Variants in NRXN3 observed in about 807,000 individuals in gnomAD.
NRXN3 encodes neurexin III.
NRXN3 carries 32 observed loss-of-function variants against 137.6 expected under a neutral mutation model. That is an observed-to-expected ratio of 0.23 (90% CI 0.18 to 0.31). The LOEUF is 0.31. NRXN3 is among the 10% of genes least tolerant of loss of function. The pLI, the probability that NRXN3 is intolerant of heterozygous loss-of-function variation, is 1.00. For synonymous variants in NRXN3, 798 were observed against 784.5 expected (o/e 1.02, Z -0.29); for missense variants, 1,574 against 2,062.5 (o/e 0.76, Z 4.59).
At chr14:78,806,708 C>T (rs1277166082) in intron 9 of NRXN3, among the ~76,000 whole-genome samples, 1 of 152,134 alleles carries the variant, frequency 6.6e-6, no homozygotes, top group Non-Finnish European at 1.5e-5. Flanking sequence ...GAGAAATATC[C>T]TATAACTCAG....
intron 10 of NRXN3, among the ~76,000 whole-genome samples, chr14:78,832,890 G>C (rs1226131656): frequency 7.9e-5 from 12 of 152,304 alleles, no homozygotes; most frequent in Non-Finnish European, 1.3e-4. Flanking sequence ...TGTTGAAGCT[G>C]TACCAGGCAC....
chr14:79,721,395 A>C (rs566986303), intron 19 of NRXN3, among the ~76,000 whole-genome samples: 60 of 152,206 alleles, frequency 3.9e-4, no homozygotes, highest in South Asian at 3.3e-3. Context: ...GTACAATGTT[A>C]TTTTCATGCA....
chr14:79,377,892 T>C (rs2094351104), intron 15 of NRXN3, among the ~76,000 whole-genome samples: 1 of 152,032 alleles, frequency 6.6e-6, no homozygotes, highest in African/African-American at 2.4e-5. Context: ...AGAAGTGGGG[T>C]GTTGAAAGGA....
chr14:79,247,856 A>C (rs2075403139), intron 15 of NRXN3, among the ~76,000 whole-genome samples: 1 of 151,882 alleles, frequency 6.6e-6, no homozygotes, highest in African/African-American at 2.4e-5. Flanking sequence ...GCATCACAAG[A>C]CCTTACATTG....
At chr14:79,142,257 C>T (rs979139479) in intron 15 of NRXN3, among the ~76,000 whole-genome samples, 6 of 152,044 alleles carry the variant, frequency 3.9e-5, no homozygotes, top group African/African-American at 1.4e-4. Context: ...GAAACCTCAT[C>T]TCTACTAAAA....
At chr14:78,749,750 G>T (rs2098632122) in intron 8 of NRXN3, among the ~76,000 whole-genome samples, 1 of 152,132 alleles carries the variant, frequency 6.6e-6, no homozygotes, top group Non-Finnish European at 1.5e-5. Context: ...ATCTCCCTGG[G>T]GTTCCTTTCA....
chr14:79,045,538 G>A (rs1043961943), intron 15 of NRXN3, among the ~76,000 whole-genome samples: 1 of 152,004 alleles, frequency 6.6e-6, no homozygotes, highest in Non-Finnish European at 1.5e-5. Flanking sequence ...TAGAACAAAG[G>A]GTTCCCATGG....
chr14:78,560,202 G>T (rs1031283177), intron 4 of NRXN3, among the ~76,000 whole-genome samples: 1 of 152,132 alleles, frequency 6.6e-6, no homozygotes, highest in South Asian at 2.1e-4. Flanking sequence ...TTTAACCAGA[G>T]GTGCTTGCAT....
rs1316958097 is a variant in NRXN3 at position 79,862,320 on chromosome 14, T to TAGA, written c.*360_*362dup. On this transcript the variant is annotated 3_prime_UTR_variant, in exon 21 of 21. Transcript: ENST00000335750. ...CTCCGGAGGACCTTTTACTAAAAGGTAGAAGACTTCATGGCTTACTTGTTC... is the reference window on the plus strand; with the variant it reads ...CTCCGGAGGACCTTTTACTAAAAGGTAGAAGAAGACTTCATGGCTTACTTGTTC... 2 of 186,214 alleles carry TAGA rather than the reference T, an allele frequency of 1.1e-5. No individual in the cohort carries two copies. Among genetic ancestry groups the TAGA allele is most frequent in the Non-Finnish European group, 2.3e-5 (2 of 88,342 alleles). 11.5% of individuals were successfully genotyped at this position (186,214 alleles called of 1,614,324 possible).
chr14:78,569,221 G>A (rs1233656218), intron 4 of NRXN3, among the ~76,000 whole-genome samples: 3 of 150,686 alleles, frequency 2.0e-5, no homozygotes, highest in African/African-American at 4.9e-5. Flanking sequence ...TTCCCGCCTC[G>A]GCCTCCCAAA....
intron 15 of NRXN3, among the ~76,000 whole-genome samples, chr14:79,114,447 A>G (rs1398158853): frequency 2.0e-5 from 3 of 152,140 alleles, no homozygotes; most frequent in African/African-American, 7.2e-5. Context: ...TGCAGCCTCC[A>G]GGAATCGAGA....
intron 11 of NRXN3, among the ~76,000 whole-genome samples, chr14:78,962,950 G>A (rs2099410933): frequency 6.6e-6 from 1 of 152,006 alleles, no homozygotes; most frequent in African/African-American, 2.4e-5. Context: ...CTGACCTCGT[G>A]ATCCACCCAC....
intron 10 of NRXN3, among the ~76,000 whole-genome samples, chr14:78,911,921 G>A (rs2099238927): frequency 6.7e-6 from 1 of 149,192 alleles, no homozygotes; most frequent in Non-Finnish European, 1.5e-5. Context: ...CTTATGTACA[G>A]GTTTTTTTTT....
At chr14:79,143,954 A>G (rs192574334) in intron 15 of NRXN3, among the ~76,000 whole-genome samples, 1 of 152,306 alleles carries the variant, frequency 6.6e-6, no homozygotes, top group East Asian at 1.9e-4. Context: ...CTGTGTTGAA[A>G]GAAAACAAAT....
chr14:79,780,771 C>G (rs964949256), intron 19 of NRXN3, among the ~76,000 whole-genome samples: 23 of 152,206 alleles, frequency 1.5e-4, no homozygotes, highest in African/African-American at 5.5e-4. Context: ...TAGCATGTAT[C>G]ACTGTTAGTT....
At chr14:79,335,686 A>G (rs1484935358) in intron 15 of NRXN3, among the ~76,000 whole-genome samples, 2 of 152,064 alleles carry the variant, frequency 1.3e-5, no homozygotes, top group Admixed American at 1.3e-4. Context: ...GTTTGTATGT[A>G]TGTACATATA....
chr14:79,471,762 C>T (rs950391784), intron 16 of NRXN3, among the ~76,000 whole-genome samples: 3 of 151,972 alleles, frequency 2.0e-5, no homozygotes, highest in African/African-American at 7.3e-5. Context: ...CATTTGTGTC[C>T]TAGATTGAGT....
intron 4 of NRXN3, among the ~76,000 whole-genome samples, chr14:78,642,793 T>C (rs1278740685): frequency 1.3e-5 from 2 of 152,160 alleles, no homozygotes; most frequent in Non-Finnish European, 1.5e-5. Flanking sequence ...AGACAGAACA[T>C]TTGGGGAGTG....
intron 16 of NRXN3, among the ~76,000 whole-genome samples, chr14:79,468,265 CA>C (rs1362915453): frequency 6.6e-6 from 1 of 152,192 alleles, no homozygotes; most frequent in African/African-American, 2.4e-5. Flanking sequence ...AATATTTTTA[CA>C]GCAACAATTA....
Sources: allele counts gnomAD v4.1 joint callset (sites outside exome capture counted in the v4.1 genomes callset), GRCh38; gene constraint gnomAD v4.1.1; transcripts MANE v1.5; gene names NCBI Gene and HGNC (gene_info 2026-07-23, HGNC 2026-07-21).